Variants in TMED7 observed in about 807,000 individuals in gnomAD.
TMED7 encodes the protein transmembrane p24 trafficking protein 7.
In TMED7, 8 loss-of-function variants were observed where a neutral mutation model predicts 23.4. That is an observed-to-expected ratio of 0.34 (90% confidence interval 0.20 to 0.62). TMED7 has a LOEUF of 0.62. Among genes scored for constraint, TMED7 ranks in the 20% least tolerant of loss-of-function variants. TMED7 has a pLI of 0.77. For synonymous variants in TMED7, 121 were observed against 108.5 expected (o/e 1.12, Z -0.72); for missense variants, 232 against 279.1 (o/e 0.83, Z 1.20).
chr5:115,616,823 C>T lies in TMED7; in HGVS notation c.439-378G>A, dbSNP rs1580451164. On this transcript the variant is annotated intron_variant, in intron 2 of 2. Coordinates refer to ENST00000456936, the MANE Select transcript of TMED7 (RefSeq NM_181836.6). The stretch of plus-strand genomic sequence containing the variant: ...GAATTAGGAAGAAAATGGCAGTGAG[C>T]TCACCAATGAGAATATAAGTCAAAG... Among the ~76,000 whole-genome samples the T allele has an allele frequency of 2.6e-5, 4 of 152,296 alleles. 1 individual carries two copies. The highest frequency in any genetic ancestry group is 2.6e-4 in the Admixed American group (4 of 15,302).
At chr5:115,625,518 G>C in intron 1 of TMED7, 83 bp downstream of exon 1, 2 of 1,357,292 alleles carry the variant, frequency 1.5e-6, no homozygotes, top group South Asian at 3.7e-5. Flanking sequence ...GGGAAACACG[G>C]ACAGGAAAGT....
chr5:115,622,454 T>G (rs1345804579), intron 1 of TMED7, among the ~76,000 whole-genome samples: 1 of 152,206 alleles, frequency 6.6e-6, no homozygotes. Context: ...GTCTTCCCAC[T>G]ACCCAATATC....
chr5:115,621,756 A>C (rs1208418913), intron 1 of TMED7, among the ~76,000 whole-genome samples: 1 of 152,194 alleles, frequency 6.6e-6, no homozygotes, highest in Non-Finnish European at 1.5e-5. Flanking sequence ...CAGAGAGGTG[A>C]ACAGAGTGAA....
At position 115,620,490 on chromosome 5, in the gene TMED7, A is replaced by G; in HGVS notation, c.383T>C (p.Val128Ala). ...AGGAAACAAAGGTGGGTCTTCTCCA[A>G]CTTGAAAATCAAAATATACAGTTTT... ...THKTVYFDFQ[V>A]GEDPPLFPSE... The change falls in exon 2 of 3, where the codon GTT (valine) becomes GCT (alanine). Residue 128 changes from valine (V) to alanine (A), a missense_variant. Transcript: ENST00000456936. 3 of 1,596,386 alleles carry G rather than the reference A, an allele frequency of 1.9e-6. No individual in the cohort carries two copies. The highest frequency in any genetic ancestry group is 2.6e-6 in the Non-Finnish European group (3 of 1,171,884).
At chr5:115,617,926 T>G (rs1030355234) in intron 2 of TMED7, among the ~76,000 whole-genome samples, 4 of 152,212 alleles carry the variant, frequency 2.6e-5, no homozygotes, top group Non-Finnish European at 4.4e-5. Flanking sequence ...CCTGAGTAGC[T>G]GGGATTACAG....
intron 2 of TMED7, among the ~76,000 whole-genome samples, chr5:115,617,176 A>G (rs1414146980): frequency 6.6e-6 from 1 of 152,202 alleles, no homozygotes; most frequent in Admixed American, 6.5e-5. Flanking sequence ...GTTTTGAGAA[A>G]GGTTAAATGA....
intron 1 of TMED7, 151 bp downstream of exon 1, chr5:115,625,450 A>G (rs541436927): frequency 1.3e-5 from 11 of 868,730 alleles, no homozygotes; most frequent in African/African-American, 1.2e-4. Context: ...TTATTAGAGG[A>G]AAGTCAAATG....
intron 1 of TMED7, among the ~76,000 whole-genome samples, chr5:115,622,028 G>C (rs1411727062): frequency 6.6e-6 from 1 of 152,116 alleles, no homozygotes; most frequent in Non-Finnish European, 1.5e-5. Flanking sequence ...TTAATATACA[G>C]ATAAAATGTT....
intron 1 of TMED7, among the ~76,000 whole-genome samples, chr5:115,620,971 T>C (rs1580456501): frequency 6.6e-6 from 1 of 152,182 alleles, no homozygotes; most frequent in African/African-American, 2.4e-5. Flanking sequence ...ATATACTTTT[T>C]TCCTTCCATT....
chr5:115,620,793 T>C (rs562661180), intron 1 of TMED7, 113 bp from the exon 2 acceptor site: 4 of 1,228,114 alleles, frequency 3.3e-6, no homozygotes, highest in Non-Finnish European at 4.1e-6. Flanking sequence ...ACTTTTACTA[T>C]CTTTTTAAAT....
At chr5:115,619,506 T>C (rs1330544971) in intron 2 of TMED7, among the ~76,000 whole-genome samples, 1 of 152,136 alleles carries the variant, frequency 6.6e-6, no homozygotes, top group Non-Finnish European at 1.5e-5. Context: ...CCATACAGGT[T>C]GAGTATCCCT....
At chr5:115,624,406 T>G (rs1325046247) in intron 1 of TMED7, among the ~76,000 whole-genome samples, 1 of 152,172 alleles carries the variant, frequency 6.6e-6, no homozygotes, top group East Asian at 1.9e-4. Flanking sequence ...TAAGCCACTA[T>G]CATTTCTTGT....
chr5:115,622,798 C>T (rs546840644), intron 1 of TMED7, among the ~76,000 whole-genome samples: 4 of 152,158 alleles, frequency 2.6e-5, no homozygotes, highest in Non-Finnish European at 5.9e-5. Context: ...AGCTTCAGAA[C>T]CTCTTTTATT....
At chr5:115,616,617 C>T (rs777630518) in intron 2 of TMED7, 172 bp from the exon 3 acceptor site, 9 of 939,832 alleles carry the variant, frequency 9.6e-6, no homozygotes, top group African/African-American at 1.7e-5. Context: ...CCCCCCTGCT[C>T]ATTTTCACTG....
intron 2 of TMED7, chr5:115,619,073 A>C (rs920694074): frequency 6.6e-6 from 1 of 152,228 alleles, no homozygotes; most frequent in African/African-American, 2.4e-5. Flanking sequence ...AAAATGTAGC[A>C]TGGATAAAGA....
chr5:115,616,883 CA>C (rs1756781177), intron 2 of TMED7, among the ~76,000 whole-genome samples: 1 of 151,840 alleles, frequency 6.6e-6, no homozygotes, highest in South Asian at 2.1e-4. Context: ...AAGCACAGTA[CA>C]AAAAAAAGCT....
chr5:115,625,479 G>A (rs1757168585), intron 1 of TMED7, 122 bp downstream of exon 1: 7 of 1,209,012 alleles, frequency 5.8e-6, no homozygotes, highest in East Asian at 3.2e-5. Flanking sequence ...CAGCTACCTA[G>A]AAGCGATTTT....
intron 1 of TMED7, among the ~76,000 whole-genome samples, chr5:115,621,246 G>A (rs1349564365): frequency 1.3e-5 from 2 of 152,096 alleles, no homozygotes; most frequent in Non-Finnish European, 2.9e-5. Context: ...TCATTTTACT[G>A]CCAAATTACA....
intron 2 of TMED7, 101 bp from the exon 3 acceptor site, chr5:115,616,546 C>T: frequency 6.6e-7 from 1 of 1,522,534 alleles, no homozygotes; most frequent in Non-Finnish European, 8.9e-7. Context: ...CCTCTTTTGA[C>T]TAACATGCTA....
Sources: allele counts gnomAD v4.1 joint callset (sites outside exome capture counted in the v4.1 genomes callset), GRCh38; gene constraint gnomAD v4.1.1; transcripts MANE v1.5; gene names NCBI Gene and HGNC (gene_info 2026-07-23, HGNC 2026-07-21).